The following TTLL12 variants were observed in gnomAD, a reference collection of about 807,000 sequenced individuals.
TTLL12 encodes the protein tubulin tyrosine ligase like 12.
TTLL12 carries 77 observed loss-of-function variants against 79.6 expected under a neutral mutation model. The observed-to-expected ratio is 0.97, with a 90% CI of 0.81 to 1.17. TTLL12 has a LOEUF of 1.17. Ranked by LOEUF, TTLL12 falls within the 50% of genes most tolerant of loss-of-function variation. The pLI is 0.00. For synonymous variants in TTLL12, 437 were observed against 376.1 expected (o/e 1.16, Z -1.87); for missense variants, 969 against 895.9 (o/e 1.08, Z -1.04).
intron 11 of TTLL12, among the ~76,000 whole-genome samples, chr22:43,171,433 C>T (rs568593436): frequency 2.0e-5 from 3 of 152,344 alleles, no homozygotes; most frequent in South Asian, 2.1e-4. Context: ...AGCAGCCAGC[C>T]GGACCAGGTG....
intron 1 of TTLL12, among the ~76,000 whole-genome samples, chr22:43,185,297 A>C (rs540004395): frequency 0.25 from 26,284 of 106,154 alleles, 3,577 homozygotes; most frequent in Non-Finnish European, 0.29. Flanking sequence ...ATATATATAT[A>C]TATGTATGTA....
intron 2 of TTLL12, among the ~76,000 whole-genome samples, chr22:43,182,290 T>A (rs980643319): frequency 6.6e-6 from 1 of 152,198 alleles, no homozygotes; most frequent in African/African-American, 2.4e-5. Flanking sequence ...GCGGGGGTGC[T>A]GGGCTGTCCG....
chr22:43,178,316 C>A (rs1287011892), intron 5 of TTLL12, among the ~76,000 whole-genome samples: 1 of 149,204 alleles, frequency 6.7e-6, no homozygotes, highest in Non-Finnish European at 1.5e-5. Context: ...CCACACACGC[C>A]CGCTCTATTT....
chr22:43,180,815 G>T lies in TTLL12; in HGVS notation c.473C>A (p.Pro158His). The stretch of plus-strand genomic sequence containing the variant: ...CACCAGGGCCACAGCCTCTGTACTG[G>T]GCAGCTCACCGTGGAACTCAATGCC... The part of the protein sequence containing the change: ...LMGIEFHGEL[P>H]STEAVALVLE... The change falls in exon 3 of 14, where the codon CCC becomes CAC. Residue 158 changes from proline (P) to histidine (H), a missense_variant. Pro to His is a moderately conservative substitution (Grantham distance 77). Coordinates refer to ENST00000216129, the MANE Select transcript of TTLL12 (RefSeq NM_015140.4). The T allele has an allele frequency of 6.2e-7, 1 of 1,613,174 alleles. No individual in the cohort carries two copies. Among genetic ancestry groups the T allele is most frequent in the Non-Finnish European group, 8.5e-7 (1 of 1,179,992 alleles).
At position 43,168,106 on chromosome 22, in the gene TTLL12, C is replaced by A; in HGVS notation, c.1837G>T (p.Glu613Ter). ...ILEVNFNPDC[E>*]RACRYHPTFF... ...GTGGGGTGGTACCTGCAGGCTCGCT[C>A]ACAGTCGGGGTTGAAGTTCACCTCC... The change falls in exon 14 of 14, where the codon GAG becomes TAG. Residue 613 changes from glutamate to a stop codon, truncating the protein, a stop_gained. Transcript: ENST00000216129. LOFTEE classifies it high-confidence loss of function. The A allele has an allele frequency of 6.2e-7, 1 of 1,614,168 alleles. No individual in the cohort carries two copies. The highest frequency in any genetic ancestry group is 8.5e-7 in the Non-Finnish European group (1 of 1,180,012).
intron 3 of TTLL12, 135 bp downstream of exon 3, chr22:43,180,607 C>T: frequency 9.7e-7 from 1 of 1,034,838 alleles, no homozygotes; most frequent in Non-Finnish European, 1.4e-6. Flanking sequence ...CAGGATAGCA[C>T]TCTCCTTAGG....
chr22:43,184,745 G>T (rs908233377), intron 1 of TTLL12, among the ~76,000 whole-genome samples: 1 of 152,220 alleles, frequency 6.6e-6, no homozygotes, highest in African/African-American at 2.4e-5. Flanking sequence ...ATCCCTAGGG[G>T]ACAGCGTGAG....
rs761269383 is a variant in TTLL12 at position 43,171,806 on chromosome 22, C to A, written c.1575+13G>T. The A allele has an allele frequency of 6.2e-7, 1 of 1,613,150 alleles. No homozygotes were observed. The highest frequency in any genetic ancestry group is 8.5e-7 in the Non-Finnish European group (1 of 1,179,488). On this transcript the variant is annotated intron_variant, in intron 11 of 13. Coordinates refer to ENST00000216129, the MANE Select transcript of TTLL12 (RefSeq NM_015140.4). ...TCTGTGTGAACCTGCTCTGCACCTC[C>A]CTCAGGCCCTACCTGCTTCAGCACC...
chr22:43,170,024 G>A, intron 11 of TTLL12: 1 of 373,930 alleles, frequency 2.7e-6, no homozygotes, highest in Non-Finnish European at 5.3e-6. Flanking sequence ...GTGCTTGAGG[G>A]ATGCAAGATC....
chr22:43,184,319 A>G (rs1241663839), intron 1 of TTLL12, among the ~76,000 whole-genome samples: 1 of 152,236 alleles, frequency 6.6e-6, no homozygotes, highest in Non-Finnish European at 1.5e-5. Flanking sequence ...TGGCGTGAGG[A>G]TGAATCACTC....
chr22:43,187,035 G>A lies in TTLL12; in HGVS notation c.35C>T (p.Ala12Val), dbSNP rs1284288883. 2.5e-6 allele frequency: 3 copies of A among 1,203,544 alleles called. No homozygotes were observed. Among genetic ancestry groups the A allele is most frequent in the East Asian group, 3.5e-5 (1 of 28,298 alleles). The allele number at this position is 1,203,544 out of a possible 1,614,324, so 74.6% of individuals were successfully genotyped here. A position where few individuals can be genotyped will look rare whatever the true frequency, so the allele number is the denominator to read the frequency against. ...EAERGPERRP[A>V]ERSSPGQTPE... ...CGTCTGGCCCGGGCTGCTACGCTCC[G>A]CAGGCCGGCGCTCGGGACCCCGCTC... The change falls in exon 1 of 14, where the codon GCG becomes GTG. Residue 12 changes from alanine to valine, a missense_variant. Transcript: ENST00000216129.
intron 8 of TTLL12, 86 bp downstream of exon 8, chr22:43,174,123 G>A: frequency 2.0e-6 from 3 of 1,495,612 alleles, no homozygotes; most frequent in Non-Finnish European, 2.7e-6. Context: ...TTTCCACAGT[G>A]GGTGCTCATG....
chr22:43,172,187 A>G (rs1931783183), intron 10 of TTLL12, among the ~76,000 whole-genome samples: 1 of 152,194 alleles, frequency 6.6e-6, no homozygotes, highest in South Asian at 2.1e-4. Flanking sequence ...GTTCACATCC[A>G]TTACTGTGGG....
chr22:43,178,568 G>T (rs531051333), intron 5 of TTLL12, among the ~76,000 whole-genome samples: 2 of 152,184 alleles, frequency 1.3e-5, no homozygotes, highest in East Asian at 3.9e-4. Context: ...TGATCCGCCC[G>T]CCTCAGCCTC....
At chr22:43,180,145 A>C in intron 3 of TTLL12, 145 bp from the exon 4 acceptor site, 7 of 977,380 alleles carry the variant, frequency 7.2e-6, no homozygotes, top group Non-Finnish European at 1.1e-5. Context: ...CCTTTAGCTA[A>C]GCTAGGGGCT....
In TTLL12 at chr22:43,174,284, G is replaced by A. The variant is rs1264404061; in HGVS notation, c.1154C>T (p.Pro385Leu). Reference sequence around the variant, plus strand: ...CAGGTTGAAGGTTCGGGGCAGCCAGGGTGGGCCCTCGGGGCCACCTGCCCG... The same window carrying A: ...CAGGTTGAAGGTTCGGGGCAGCCAGAGTGGGCCCTCGGGGCCACCTGCCCG... ...ARRAGGPEGP[P>L]WLPRTFNLRT... Residue 385 changes from proline (P) to leucine (L), a missense_variant, in exon 8 of 14, where the codon CCC (proline) becomes CTC (leucine). Transcript: ENST00000216129. The A allele has an allele frequency of 6.2e-7, 1 of 1,611,356 alleles. No homozygotes were observed.
At chr22:43,169,003 G>A (rs536112517) in intron 12 of TTLL12, 91 bp from the exon 13 acceptor site, 26 of 1,462,604 alleles carry the variant, frequency 1.8e-5, no homozygotes, top group South Asian at 2.7e-5. Context: ...CGGGCCCCAC[G>A]TGGCCCAAGT....
intron 2 of TTLL12, among the ~76,000 whole-genome samples, chr22:43,182,377 C>A (rs1326689532): frequency 6.6e-6 from 1 of 152,242 alleles, no homozygotes; most frequent in Non-Finnish European, 1.5e-5. Flanking sequence ...AGAGACCAGA[C>A]CCCTGCCCAA....
chr22:43,180,692 C>A lies in TTLL12; in HGVS notation c.546+50G>T, dbSNP rs371707873. ...CCTGATGGCACAGGGCAGCGGAGGT[C>A]TGTGCCCATGCCTGTCCTCCCCCTC... On this transcript the variant is annotated intron_variant, in intron 3 of 13. Coordinates refer to ENST00000216129, the MANE Select transcript of TTLL12 (RefSeq NM_015140.4). 302 of 1,594,920 alleles carry A rather than the reference C, an allele frequency of 1.9e-4. 6 individuals are homozygous for A. The South Asian group carries it at 3.1e-3, about 17-fold the overall frequency.
Sources: gnomAD v4.1 joint callset for allele counts (sites outside exome capture counted in the v4.1 genomes callset) on GRCh38, gnomAD v4.1.1 for gene constraint, MANE v1.5 for transcripts, NCBI Gene and HGNC (gene_info 2026-07-23, HGNC 2026-07-21) for gene names.